DMD: variants seen among roughly 807,000 people sequenced by gnomAD.
DMD encodes dystrophin, also known as mutant dystrophin.
Under a neutral mutation model 330.1 loss-of-function variants are expected in DMD, and 63 were observed. The ratio of observed to expected loss-of-function variants is 0.19; its 90% confidence interval spans 0.16 to 0.24. DMD has a LOEUF of 0.24. DMD is among the 10% of genes least tolerant of loss of function. DMD has a pLI of 1.00. For synonymous variants in DMD, 1,223 were observed against 959.8 expected (o/e 1.27, Z -5.07); for missense variants, 3,344 against 2,684.1 (o/e 1.25, Z -5.43).
At chrX:32,868,596 A>T (rs1653152179) in intron 2 of DMD, among the ~76,000 whole-genome samples, 1 of 112,397 alleles carries the variant, frequency 8.9e-6, no homozygotes. Context: ...TGAACCCAGG[A>T]GGAATTCCCT....
At chrX:32,720,674 G>C (rs775877312) in intron 7 of DMD, among the ~76,000 whole-genome samples, 13 of 111,512 alleles carry the variant, frequency 1.2e-4, no homozygotes, top group East Asian at 2.8e-4. Context: ...ATATTAGAAA[G>C]GGTTAAGTAG....
At chrX:32,679,694 TG>T (rs1399272103) in intron 9 of DMD, among the ~76,000 whole-genome samples, 2 of 109,858 alleles carry the variant, frequency 1.8e-5, no homozygotes, top group Middle Eastern at 4.7e-3. Flanking sequence ...TTTTGTTTAC[TG>T]GGGGGTAGAT....
intron 60 of DMD, among the ~76,000 whole-genome samples, chrX:31,373,679 T>C (rs1305996562): frequency 3.6e-5 from 4 of 111,004 alleles, no homozygotes; most frequent in African/African-American, 9.9e-5. Context: ...TCAAGATGGA[T>C]TAAAGACTTA....
intron 7 of DMD, among the ~76,000 whole-genome samples, chrX:32,753,439 T>G (rs183368365): frequency 7.3e-4 from 81 of 111,629 alleles, no homozygotes; most frequent in Non-Finnish European, 1.1e-3. Flanking sequence ...GACTTTGCAT[T>G]GAGTCTACCT....
At chrX:32,825,999 G>GA (rs1274350314) in intron 4 of DMD, among the ~76,000 whole-genome samples, 2 of 110,725 alleles carry the variant, frequency 1.8e-5, no homozygotes, top group Admixed American at 9.7e-5. Context: ...TAAAAAAATA[G>GA]AAAAAATGAT....
At chrX:32,620,315 A>G (rs1456484762) in intron 11 of DMD, among the ~76,000 whole-genome samples, 2 of 111,904 alleles carry the variant, frequency 1.8e-5, no homozygotes, top group Non-Finnish European at 3.8e-5. Context: ...GAAACAGGGG[A>G]AGTAAACCAG....
chrX:32,067,702 C>T (rs2096268608), intron 44 of DMD, among the ~76,000 whole-genome samples: 1 of 111,550 alleles, frequency 9.0e-6, no homozygotes, highest in African/African-American at 3.3e-5. Context: ...CTTTTCGTGG[C>T]TGTATAGTAT....
intron 2 of DMD, among the ~76,000 whole-genome samples, chrX:32,887,293 G>A (rs770962695): frequency 1.8e-5 from 2 of 110,293 alleles, no homozygotes; most frequent in South Asian, 7.9e-4. Context: ...CTTGCAGTGA[G>A]CCGAGATCCC....
chrX:32,754,790 A>G (rs1020977124), intron 7 of DMD: 2 of 111,916 alleles, frequency 1.8e-5, no homozygotes, highest in African/African-American at 6.5e-5. Flanking sequence ...GATGCAATAT[A>G]CAAGACACAT....
chrX:32,480,568 G>A (rs2041773327), intron 21 of DMD, among the ~76,000 whole-genome samples: 1 of 110,675 alleles, frequency 9.0e-6, no homozygotes. Flanking sequence ...CACAATATTT[G>A]CCTACGTGAG....
intron 11 of DMD, among the ~76,000 whole-genome samples, chrX:32,629,894 T>G (rs984247189): frequency 9.0e-6 from 1 of 111,148 alleles, no homozygotes; most frequent in African/African-American, 3.3e-5. Context: ...CTTGAAAAGT[T>G]GTTGCAGTTA....
intron 44 of DMD, among the ~76,000 whole-genome samples, chrX:32,174,876 A>T (rs994719358): frequency 1.8e-5 from 2 of 111,336 alleles, no homozygotes; most frequent in South Asian, 7.5e-4. Flanking sequence ...TCCTGGCAAC[A>T]CGCAATGTTA....
intron 18 of DMD, among the ~76,000 whole-genome samples, chrX:32,507,861 C>T (rs1031578986): frequency 9.0e-6 from 1 of 110,939 alleles, no homozygotes; most frequent in Admixed American, 9.7e-5. Context: ...AAGATTAAAT[C>T]GTATATCAAA....
intron 17 of DMD, among the ~76,000 whole-genome samples, chrX:32,523,832 A>G (rs2046668660): frequency 9.0e-6 from 1 of 111,636 alleles, no homozygotes. Context: ...ATGCATGTTG[A>G]TGTAACTGTT....
intron 47 of DMD, among the ~76,000 whole-genome samples, chrX:31,904,504 TTTGTC>T (rs1810846880): frequency 8.9e-6 from 1 of 111,815 alleles, no homozygotes; most frequent in Non-Finnish European, 1.9e-5. Context: ...GATTGGGACT[TTTGTC>T]TTGCTAGCAA....
At chrX:31,756,942 T>G (rs1195020239) in intron 51 of DMD, among the ~76,000 whole-genome samples, 2 of 110,821 alleles carry the variant, frequency 1.8e-5, no homozygotes, top group Non-Finnish European at 3.8e-5. Context: ...AACCTAAATG[T>G]GCAGCATTGG....
chrX:31,356,777 T>C (rs984048267), intron 60 of DMD, among the ~76,000 whole-genome samples: 1 of 111,921 alleles, frequency 8.9e-6, no homozygotes, highest in African/African-American at 3.2e-5. Context: ...CCAAGTACCT[T>C]AAGGGTATCA....
At chrX:32,307,856 T>C (rs1182371722) in intron 42 of DMD, among the ~76,000 whole-genome samples, 1 of 111,382 alleles carries the variant, frequency 9.0e-6, no homozygotes, top group African/African-American at 3.2e-5. Flanking sequence ...TGCAAGTTAA[T>C]ATTGCTCTAA....
chrX:31,886,781 A>T (rs2094160493), intron 47 of DMD, among the ~76,000 whole-genome samples: 3 of 111,870 alleles, frequency 2.7e-5, no homozygotes. Context: ...CTAAAGTCTA[A>T]AACATTTTAG....
Sources: allele counts gnomAD v4.1 joint callset (sites outside exome capture counted in the v4.1 genomes callset), GRCh38; gene constraint gnomAD v4.1.1; transcripts MANE v1.5; gene names NCBI Gene and HGNC (gene_info 2026-07-23, HGNC 2026-07-21).